MAST4: variants seen among roughly 807,000 people sequenced by gnomAD.
MAST4 encodes microtubule associated serine/threonine kinase family member 4.
MAST4 carries 89 observed loss-of-function variants against 162.7 expected under a neutral mutation model. The observed-to-expected ratio is 0.55, with a 90% CI of 0.46 to 0.65. MAST4 has a LOEUF of 0.65. MAST4 is among the 30% of genes least tolerant of loss of function. The pLI is 0.00. For synonymous variants in MAST4, 1,479 were observed against 1,361.1 expected (o/e 1.09, Z -1.91); for missense variants, 3,153 against 3,374.0 (o/e 0.93, Z 1.62).
intron 1 of MAST4, among the ~76,000 whole-genome samples, chr5:66,742,674 C>T (rs564182363): frequency 2.0e-5 from 3 of 152,222 alleles, no homozygotes; most frequent in Non-Finnish European, 4.4e-5. Context: ...TACCCAAAGG[C>T]GAAATCTTTT....
At chr5:66,771,342 A>T (rs1328026459) in intron 2 of MAST4, among the ~76,000 whole-genome samples, 2 of 151,684 alleles carry the variant, frequency 1.3e-5, no homozygotes, top group Non-Finnish European at 2.9e-5. Context: ...CCGCCGCCAC[A>T]CCCGGCTAAT....
intron 1 of MAST4, among the ~76,000 whole-genome samples, chr5:66,756,054 G>C (rs1753517037): frequency 1.3e-5 from 2 of 152,142 alleles, no homozygotes; most frequent in Admixed American, 6.5e-5. Context: ...ACTTCCCTTG[G>C]TTATATACCT....
intron 3 of MAST4, among the ~76,000 whole-genome samples, chr5:66,858,695 A>T (rs1013116325): frequency 3.9e-5 from 6 of 152,166 alleles, no homozygotes; most frequent in Admixed American, 3.9e-4. Flanking sequence ...AAAATTGTTT[A>T]ATTTCACCAA....
intron 4 of MAST4, among the ~76,000 whole-genome samples, chr5:67,004,344 G>T (rs1432370974): frequency 6.6e-6 from 1 of 152,214 alleles, no homozygotes; most frequent in East Asian, 1.9e-4. Context: ...CCTCCCAGCC[G>T]GACCCTGGAA....
At chr5:66,836,679 A>G (rs1241410530) in intron 3 of MAST4, among the ~76,000 whole-genome samples, 2 of 152,188 alleles carry the variant, frequency 1.3e-5, no homozygotes, top group Non-Finnish European at 2.9e-5. Context: ...TATCCTAAGC[A>G]TACTAACAAA....
chr5:67,038,893 A>G (rs941493836), intron 4 of MAST4, among the ~76,000 whole-genome samples: 1 of 152,226 alleles, frequency 6.6e-6, no homozygotes, highest in African/African-American at 2.4e-5. Flanking sequence ...TGTAATAAAT[A>G]GTCACTGAAG....
chr5:66,793,470 G>A (rs1250953904), intron 3 of MAST4, among the ~76,000 whole-genome samples: 1 of 152,152 alleles, frequency 6.6e-6, no homozygotes, highest in African/African-American at 2.4e-5. Flanking sequence ...AAAAGCCAGG[G>A]GATTTATACA....
In MAST4 at chr5:67,166,115, T is replaced by C. The variant is rs1359940657; in HGVS notation, c.6936T>C (p.Pro2312=). ...TGCCAAGGCCGGGACACCCAGGGCC[T>C]AGTGAGCCAGCGGACCAGAAACTGT... ...VHLPRPGHPG[P]SEPADQKLSA... is the part of the protein sequence containing the mutation. Residue 2312 remains proline, a synonymous_variant, in exon 29 of 29, where the codon CCT becomes CCC. Transcript: ENST00000403625. 6.2e-7 allele frequency: 1 copy of C among 1,608,246 alleles called. No individual in the cohort carries two copies. Among genetic ancestry groups the C allele is most frequent in the African/African-American group, 1.3e-5 (1 of 74,770 alleles).
chr5:67,104,624 G>GA (rs746454708), intron 10 of MAST4, 49 bp downstream of exon 10: 25 of 1,446,720 alleles, frequency 1.7e-5, no homozygotes, highest in Admixed American at 2.2e-5. Flanking sequence ...GCTTTTCCCT[G>GA]AAAAAAATTT....
At chr5:67,070,607 C>T (rs1182509688) in intron 5 of MAST4, among the ~76,000 whole-genome samples, 2 of 152,064 alleles carry the variant, frequency 1.3e-5, no homozygotes, top group African/African-American at 2.4e-5. Flanking sequence ...ATTAAAATAC[C>T]CATAACATCT....
intron 1 of MAST4, among the ~76,000 whole-genome samples, chr5:66,722,752 C>A (rs1405856305): frequency 2.6e-5 from 4 of 152,120 alleles, no homozygotes; most frequent in Non-Finnish European, 4.4e-5. Flanking sequence ...AACTAGTTTT[C>A]TGGGATTTGT....
At chr5:67,047,053 G>C (rs146157822) in intron 4 of MAST4, among the ~76,000 whole-genome samples, 319 of 152,310 alleles carry the variant, frequency 2.1e-3, no homozygotes, top group Non-Finnish European at 2.3e-3. Flanking sequence ...GTACAAAAGA[G>C]CACAGACTGA....
intron 7 of MAST4, among the ~76,000 whole-genome samples, chr5:67,099,445 T>C (rs1199817065): frequency 6.6e-6 from 1 of 152,142 alleles, no homozygotes; most frequent in African/African-American, 2.4e-5. Flanking sequence ...ATTTCTAGTT[T>C]TGCTGCATTG....
At chr5:67,021,525 A>T (rs1231887331) in intron 4 of MAST4, among the ~76,000 whole-genome samples, 2 of 152,232 alleles carry the variant, frequency 1.3e-5, no homozygotes, top group South Asian at 2.1e-4. Context: ...TTAAACCAGG[A>T]ATTTCTGAAA....
At chr5:67,015,639 A>G (rs1051228099) in intron 4 of MAST4, among the ~76,000 whole-genome samples, 1 of 152,224 alleles carries the variant, frequency 6.6e-6, no homozygotes, top group Non-Finnish European at 1.5e-5. Context: ...AAGGCTATAT[A>G]TCTCCACTTT....
chr5:66,711,907 A>G (rs1750521166), intron 1 of MAST4, among the ~76,000 whole-genome samples: 1 of 152,120 alleles, frequency 6.6e-6, no homozygotes, highest in Non-Finnish European at 1.5e-5. Context: ...TCTCCCCATC[A>G]CAAGACCCTT....
chr5:67,076,569 T>A (rs1444413956), intron 5 of MAST4, among the ~76,000 whole-genome samples: 1 of 152,098 alleles, frequency 6.6e-6, no homozygotes, highest in Non-Finnish European at 1.5e-5. Context: ...TGTTACACCC[T>A]CTCTCCCACT....
At chr5:66,930,970 T>C (rs4090993) in intron 4 of MAST4, 18,449 of 216,796 alleles carry the variant, frequency 0.085, 939 homozygotes, top group African/African-American at 0.16. Flanking sequence ...TCTTTATCTG[T>C]CTTGAATTAT....
chr5:66,953,444 G>A (rs1744932235), intron 4 of MAST4, among the ~76,000 whole-genome samples: 1 of 152,118 alleles, frequency 6.6e-6, no homozygotes, highest in Non-Finnish European at 1.5e-5. Flanking sequence ...TATTTTGTAT[G>A]TAGTTTGGAT....
Sources: allele counts gnomAD v4.1 joint callset (sites outside exome capture counted in the v4.1 genomes callset), GRCh38; gene constraint gnomAD v4.1.1; transcripts MANE v1.5; gene names NCBI Gene and HGNC (gene_info 2026-07-23, HGNC 2026-07-21).